The following GRM7 variants were observed in gnomAD, a reference collection of about 807,000 sequenced individuals.
GRM7 encodes the protein glutamate metabotropic receptor 7, also known as metabotropic glutamate receptor 7.
GRM7 carries 35 observed loss-of-function variants against 84.5 expected under a neutral mutation model. The observed-to-expected ratio is 0.41, with a 90% CI of 0.32 to 0.55. The LOEUF is 0.55. Ranked by LOEUF, GRM7 falls within the 20% of genes least tolerant of loss-of-function variation. The probability of loss-of-function intolerance (pLI) is 0.19; values close to 1 mark genes in which losing one functional copy is unlikely to be tolerated. For synonymous variants in GRM7, 487 were observed against 455.1 expected, an observed-to-expected ratio of 1.07 and a Z score of -0.89; for missense variants, 1,003 against 1,194.6, an observed-to-expected ratio of 0.84 and a Z score of 2.36.
chr3:7,702,152 G>A (rs778097195), intron 9 of GRM7, among the ~76,000 whole-genome samples: 1 of 152,198 alleles, frequency 6.6e-6, no homozygotes, highest in South Asian at 2.1e-4. Flanking sequence ...GAGAAACTGA[G>A]TAAATAATTG....
Position 7,527,622 on chromosome 3 carries a change from TTCTA to T in GRM7, c.1516-50792_1516-50789del, listed in dbSNP as rs750103424. On this transcript the variant is annotated intron_variant, in intron 7 of 9. Coordinates refer to ENST00000357716, the MANE Select transcript of GRM7 (RefSeq NM_000844.4). ...TTGTTCCAGTTCTTAGGGGGAATAC[TTCTA>T]TCTATCTGTTGCTGTTGTAGTATGA... Among the ~76,000 whole-genome samples the T allele has an allele frequency of 3.9e-5, 6 of 152,154 alleles. No homozygotes were observed. In the South Asian group the frequency reaches 6.2e-4, roughly 16 times the overall value.
intron 1 of GRM7, among the ~76,000 whole-genome samples, chr3:6,893,480 A>G (rs988086469): frequency 1.3e-5 from 2 of 152,176 alleles, no homozygotes; most frequent in African/African-American, 2.4e-5. Context: ...GACCTAATTG[A>G]GGCAATTATC....
intron 1 of GRM7, among the ~76,000 whole-genome samples, chr3:7,101,937 T>C (rs763860292): frequency 7.3e-5 from 11 of 151,288 alleles, no homozygotes; most frequent in Non-Finnish European, 1.2e-4. Context: ...ACTACTTCAC[T>C]TAAAATGTAA....
chr3:6,995,780 C>G (rs1694804039), intron 1 of GRM7, among the ~76,000 whole-genome samples: 1 of 152,032 alleles, frequency 6.6e-6, no homozygotes, highest in African/African-American at 2.4e-5. Flanking sequence ...ATAGTGATCA[C>G]CACAGAAGTA....
At chr3:7,195,493 C>T (rs1396209655) in intron 2 of GRM7, among the ~76,000 whole-genome samples, 1 of 152,148 alleles carries the variant, frequency 6.6e-6, no homozygotes, top group Non-Finnish European at 1.5e-5. Flanking sequence ...TTCAACTCTA[C>T]TCTTCATGCA....
At chr3:7,199,198 A>G (rs1027662609) in intron 2 of GRM7, among the ~76,000 whole-genome samples, 6 of 152,218 alleles carry the variant, frequency 3.9e-5, no homozygotes, top group Non-Finnish European at 8.8e-5. Flanking sequence ...GAGGCCTGGT[A>G]GCCTCTGCTT....
At chr3:6,986,545 G>C (rs910011603) in intron 1 of GRM7, among the ~76,000 whole-genome samples, 1 of 152,092 alleles carries the variant, frequency 6.6e-6, no homozygotes, top group African/African-American at 2.4e-5. Flanking sequence ...ATGCTCATAC[G>C]TGGTCTTCTG....
At chr3:7,146,896 A>G (rs146696226) in intron 2 of GRM7, among the ~76,000 whole-genome samples, 331 of 152,254 alleles carry the variant, frequency 2.2e-3, no homozygotes, top group African/African-American at 7.6e-3. Context: ...AGAAAAAAAA[A>G]TATGTACTAA....
At chr3:6,972,774 C>T (rs773371015) in intron 1 of GRM7, among the ~76,000 whole-genome samples, 4 of 152,116 alleles carry the variant, frequency 2.6e-5, no homozygotes, top group Admixed American at 6.5e-5. Flanking sequence ...GCCACTACCT[C>T]GCTCAGTTAT....
At chr3:7,480,549 T>G (rs917479892) in intron 7 of GRM7, among the ~76,000 whole-genome samples, 12 of 152,174 alleles carry the variant, frequency 7.9e-5, no homozygotes, top group Non-Finnish European at 1.5e-5. Flanking sequence ...GTTTAAACAT[T>G]AAATAAAAAG....
intron 8 of GRM7, among the ~76,000 whole-genome samples, chr3:7,596,451 G>T (rs1291630043): frequency 6.6e-6 from 1 of 152,194 alleles, no homozygotes; most frequent in African/African-American, 2.4e-5. Flanking sequence ...AGGCATAATT[G>T]TAGATCGAAA....
At chr3:7,641,287 G>C (rs1375878393) in intron 8 of GRM7, among the ~76,000 whole-genome samples, 2 of 152,032 alleles carry the variant, frequency 1.3e-5, no homozygotes, top group Non-Finnish European at 2.9e-5. Flanking sequence ...TTATCTGCTG[G>C]AACTAAAAGG....
At chr3:7,280,511 A>G (rs1699217053) in intron 2 of GRM7, among the ~76,000 whole-genome samples, 1 of 152,204 alleles carries the variant, frequency 6.6e-6, no homozygotes, top group Non-Finnish European at 1.5e-5. Context: ...TATGCAGTGT[A>G]TGTGATGACT....
chr3:7,578,035 G>C (rs111926483), intron 7 of GRM7, among the ~76,000 whole-genome samples: 3,061 of 152,198 alleles, frequency 0.02, 105 homozygotes, highest in African/African-American at 0.065. Flanking sequence ...CTTATTACCC[G>C]GGGGGAAGAC....
chr3:7,339,581 T>C (rs1178084150), intron 4 of GRM7, among the ~76,000 whole-genome samples: 1 of 152,112 alleles, frequency 6.6e-6, no homozygotes, highest in Non-Finnish European at 1.5e-5. Flanking sequence ...TCCATTAAAG[T>C]TGGCTTAGAG....
chr3:7,706,166 G>A (rs1344328911), intron 9 of GRM7, among the ~76,000 whole-genome samples: 1 of 152,120 alleles, frequency 6.6e-6, no homozygotes, highest in African/African-American at 2.4e-5. Context: ...CCTAGACATA[G>A]AAAAAACAAG....
intron 2 of GRM7, among the ~76,000 whole-genome samples, chr3:7,208,072 A>G (rs1696297370): frequency 6.6e-6 from 1 of 152,182 alleles, no homozygotes; most frequent in African/African-American, 2.4e-5. Context: ...TTAGAAAAAG[A>G]CATTAGTACT....
intron 7 of GRM7, chr3:7,520,115 A>G (rs1367082801): frequency 6.6e-6 from 1 of 152,190 alleles, no homozygotes; most frequent in Admixed American, 6.5e-5. Flanking sequence ...ATTGGATGAA[A>G]TAATCTTTAT....
intron 8 of GRM7, among the ~76,000 whole-genome samples, chr3:7,672,343 T>C (rs910473597): frequency 6.6e-6 from 1 of 152,216 alleles, no homozygotes; most frequent in Admixed American, 6.5e-5. Context: ...TTCATTGCAA[T>C]GTAATAATGT....
Sources: allele counts gnomAD v4.1 joint callset (sites outside exome capture counted in the v4.1 genomes callset), GRCh38; gene constraint gnomAD v4.1.1; transcripts MANE v1.5; gene names NCBI Gene and HGNC (gene_info 2026-07-23, HGNC 2026-07-21).